DESI1: variants seen among roughly 807,000 people sequenced by gnomAD.
DESI1 encodes the protein PPPDE peptidase domain containing 2.
A neutral mutation model predicts 22.4 loss-of-function variants in DESI1; 17 were observed. The ratio of observed to expected loss-of-function variants is 0.76; its 90% CI spans 0.52 to 1.14. The LOEUF is 1.14. Among genes scored for constraint, DESI1 ranks in the 50% most tolerant of loss-of-function variants. DESI1 has a pLI of 0.00. For missense variants in DESI1, 177 were observed against 208.9 expected, an observed-to-expected ratio of 0.85 and a Z score of 0.94; for synonymous variants, 92 against 84.2, an observed-to-expected ratio of 1.09 and a Z score of -0.51.
rs374582556 is a variant in DESI1, at chr22:41,620,919, G to A, written c.-80C>T. Reference sequence around the variant, plus strand: ...GGACCTTCCCGTACCCGACGGGAGTGCGAAGCGGAGGGAGAGGGGGGGACC... The same window carrying A: ...GGACCTTCCCGTACCCGACGGGAGTACGAAGCGGAGGGAGAGGGGGGGACC... On this transcript the variant is annotated 5_prime_UTR_variant, in exon 1 of 6. Coordinates refer to ENST00000263256, the MANE Select transcript of DESI1 (RefSeq NM_015704.3). 1.9e-5 allele frequency: 28 copies of A among 1,512,954 alleles called. No individual in the cohort carries two copies. In the East Asian group the frequency reaches 2.2e-4, roughly 12 times the overall value. The allele number at this position is 1,512,954 out of a possible 1,614,324, so 93.7% of individuals were successfully genotyped here. A position where few individuals can be genotyped will look rare whatever the true frequency, so the allele number is the denominator to read the frequency against.
chr22:41,616,299 C>G (rs2067550081), intron 1 of DESI1, among the ~76,000 whole-genome samples: 1 of 152,128 alleles, frequency 6.6e-6, no homozygotes, highest in African/African-American at 2.4e-5. Flanking sequence ...TATTTCATTA[C>G]TATTTGTACT....
chr22:41,602,226 A>G lies in DESI1; in HGVS notation c.413+1033T>C, dbSNP rs2067453247. The stretch of plus-strand genomic sequence containing the variant: ...GAATGAAGTACTCCAAAGTATAGAC[A>G]GATGAAACCTAGAAATATCAAACCT... On this transcript the variant is annotated intron_variant, in intron 5 of 5. Coordinates refer to ENST00000263256, the MANE Select transcript of DESI1 (RefSeq NM_015704.3). The G allele has an allele frequency of 3.0e-6, 3 of 985,354 alleles. No individual in the cohort carries two copies. In the South Asian group the frequency reaches 1.4e-4, roughly 46 times the overall value. The allele number at this position is 985,354 out of a possible 1,614,324, so 61.0% of individuals were successfully genotyped here. A position where few individuals can be genotyped will look rare whatever the true frequency, so the allele number is the denominator to read the frequency against.
At position 41,599,925 on chromosome 22, in the gene DESI1, T is replaced by C. The variant is rs1237923760; in HGVS notation, c.*1172A>G. The C allele has an allele frequency of 1.4e-5, 2 of 146,086 alleles. No individual in the cohort carries two copies. The highest frequency in any genetic ancestry group is 2.4e-4 in the South Asian group (1 of 4,092). The allele number at this position is 146,086 out of a possible 1,614,324, so 9.0% of individuals were successfully genotyped here. On this transcript the variant is annotated 3_prime_UTR_variant, in exon 6 of 6. Transcript: ENST00000263256. Reference sequence around the variant, plus strand: ...AGGCAGCGGTGGCTCACGCCTGTAATCCCAGCACTTTGGGAGGCCAAGGGA... The same window carrying C: ...AGGCAGCGGTGGCTCACGCCTGTAACCCCAGCACTTTGGGAGGCCAAGGGA...
At chr22:41,613,696 G>A (rs1158046921) in intron 1 of DESI1, among the ~76,000 whole-genome samples, 1 of 152,176 alleles carries the variant, frequency 6.6e-6, no homozygotes, top group Non-Finnish European at 1.5e-5. Context: ...CTGCCACCCT[G>A]GCATACTGCA....
At chr22:41,607,176 A>AG (rs1474652334) in intron 3 of DESI1, 86 bp downstream of exon 3, 1 of 1,292,136 alleles carries the variant, frequency 7.7e-7, no homozygotes, top group Non-Finnish European at 1.0e-6. Context: ...CAATGCCAGA[A>AG]GTCCATAGTA....
intron 1 of DESI1, among the ~76,000 whole-genome samples, chr22:41,615,985 GT>G (rs1296243428): frequency 1.3e-5 from 2 of 152,332 alleles, no homozygotes; most frequent in African/African-American, 4.8e-5. Context: ...TGGGAGGGGG[GT>G]TTGTTCAGCA....
At chr22:41,605,661 C>T (rs975354063) in intron 3 of DESI1, among the ~76,000 whole-genome samples, 10 of 152,120 alleles carry the variant, frequency 6.6e-5, no homozygotes, top group African/African-American at 2.4e-4. Context: ...TGTGTCAGGC[C>T]TTATGCTAGG....
At chr22:41,619,194 C>T (rs1461946714) in intron 1 of DESI1, among the ~76,000 whole-genome samples, 1 of 152,092 alleles carries the variant, frequency 6.6e-6, no homozygotes, top group Non-Finnish European at 1.5e-5. Context: ...TTATCTAGGC[C>T]CAAATCCCTG....
At chr22:41,618,526 A>G (rs368898290) in intron 1 of DESI1, among the ~76,000 whole-genome samples, 14 of 152,318 alleles carry the variant, frequency 9.2e-5, no homozygotes, top group African/African-American at 3.4e-4. Flanking sequence ...TGTTCATTAT[A>G]TCAACCTCAT....
At chr22:41,602,659 G>T (rs1384157851) in intron 5 of DESI1, 15 of 987,170 alleles carry the variant, frequency 1.5e-5, no homozygotes, top group Non-Finnish European at 1.7e-5. Context: ...GGCTTTGGGG[G>T]TGTTGTGTCC....
At chr22:41,606,950 AGCCGGACACTGT>A (rs2067486386) in intron 3 of DESI1, among the ~76,000 whole-genome samples, 1 of 151,998 alleles carries the variant, frequency 6.6e-6, no homozygotes, top group South Asian at 2.1e-4. Flanking sequence ...TCCTAGGATG[AGCCGGACACTGT>A]GCAGGGGATG....
chr22:41,604,954 T>C (rs1394606611), intron 3 of DESI1, among the ~76,000 whole-genome samples: 2 of 152,064 alleles, frequency 1.3e-5, no homozygotes, highest in Non-Finnish European at 2.9e-5. Context: ...GGGAAGCTGA[T>C]TCTCTTGCAG....
At chr22:41,620,660 G>C (rs60831182) in intron 1 of DESI1, 92 bp downstream of exon 1, 9 of 1,270,694 alleles carry the variant, frequency 7.1e-6, no homozygotes, top group Middle Eastern at 2.1e-4. Context: ...GTGTCTCCCC[G>C]TGAGTCGTGG....
At chr22:41,617,400 CAATA>C (rs2067557152) in intron 1 of DESI1, among the ~76,000 whole-genome samples, 1 of 152,176 alleles carries the variant, frequency 6.6e-6, no homozygotes. Flanking sequence ...GGTAAGCTCT[CAATA>C]AATAGTGGCT....
chr22:41,611,812 T>C (rs969073958), intron 1 of DESI1, among the ~76,000 whole-genome samples: 3 of 151,868 alleles, frequency 2.0e-5, no homozygotes, highest in Non-Finnish European at 4.4e-5. Context: ...AGGCTGGTCT[T>C]AAACTCCTGA....
At position 41,603,311 on chromosome 22, in the gene DESI1, C is replaced by T. The variant is rs1346400881; in HGVS notation, c.361G>A (p.Gly121Arg). The change falls in exon 5 of 6, where the codon GGG becomes AGG. Residue 121 changes from glycine (G) to arginine (R), a missense_variant. Physicochemically the swap from Gly to Arg is moderately radical, Grantham distance 125 (BLOSUM62 -2). Coordinates refer to ENST00000263256, the MANE Select transcript of DESI1 (RefSeq NM_015704.3). ...FSNEVAQFLT[G>R]RKIPSYITDL... ...GTGATGTAAGAAGGAATCTTCCGCC[C>T]AGTCAGGAACTGTGCCACTTCGTTG... 6.2e-7 allele frequency: 1 copy of T among 1,614,212 alleles called. No individual in the cohort carries two copies. Among genetic ancestry groups the T allele is most frequent in the East Asian group, 2.2e-5 (1 of 44,882 alleles).
At chr22:41,615,878 T>C (rs1601516080) in intron 1 of DESI1, among the ~76,000 whole-genome samples, 2 of 152,228 alleles carry the variant, frequency 1.3e-5, no homozygotes, top group East Asian at 3.8e-4. Flanking sequence ...CTGTTTTATA[T>C]TGTTATCAAA....
intron 1 of DESI1, among the ~76,000 whole-genome samples, chr22:41,617,678 GA>G (rs759592104): frequency 1.6e-4 from 25 of 152,298 alleles, no homozygotes; most frequent in Admixed American, 7.8e-4. Flanking sequence ...AAGCAATATG[GA>G]AAAAAGAGGT....
At position 41,598,863 on chromosome 22, in the gene DESI1, T is replaced by A. The variant is rs1241812376; in HGVS notation, c.*2234A>T. ...CTTTGGGCCCAATTCTGCTAGTAGA[T>A]CACGATTATACAACAGTCCCTGCTA... On this transcript the variant is annotated 3_prime_UTR_variant, in exon 6 of 6. Coordinates refer to ENST00000263256, the MANE Select transcript of DESI1 (RefSeq NM_015704.3). The A allele has an allele frequency of 6.6e-6, 1 of 152,282 alleles. No homozygotes were observed. The highest frequency in any genetic ancestry group is 1.5e-5 in the Non-Finnish European group (1 of 68,088). The allele number at this position is 152,282 out of a possible 1,614,324, so 9.4% of individuals were successfully genotyped here. A position where few individuals can be genotyped will look rare whatever the true frequency, so the allele number is the denominator to read the frequency against.
Sources: gnomAD v4.1 joint callset for allele counts (sites outside exome capture counted in the v4.1 genomes callset) on GRCh38, gnomAD v4.1.1 for gene constraint, MANE v1.5 for transcripts, NCBI Gene and HGNC (gene_info 2026-07-23, HGNC 2026-07-21) for gene names.